ZDHHC19: variants seen among roughly 807,000 people sequenced by gnomAD.
The protein encoded by ZDHHC19 is zDHHC palmitoyltransferase 19, also known as palmitoyltransferase ZDHHC19.
ZDHHC19 carries 30 observed loss-of-function variants against 33.9 expected under a neutral mutation model. The ratio of observed to expected loss-of-function variants is 0.88; its 90% CI spans 0.66 to 1.20. The LOEUF (loss-of-function observed/expected upper bound fraction) is 1.20, where lower values mean the gene tolerates loss of function less well. Among genes scored for constraint, ZDHHC19 ranks in the 50% most tolerant of loss-of-function variants. The pLI is 0.00. For synonymous variants in ZDHHC19, 178 were observed against 167.6 expected (o/e 1.06, Z -0.48); for missense variants, 364 against 401.1 (o/e 0.91, Z 0.79).
chr3:196,198,533 G>T, intron 6 of ZDHHC19, 82 bp from the exon 7 acceptor site: 2 of 1,575,740 alleles, frequency 1.3e-6, no homozygotes, highest in Non-Finnish European at 1.7e-6. Context: ...GGAAGCACAC[G>T]GCCCAGGGCT....
In ZDHHC19 at chr3:196,200,553, A is replaced by T. The variant is rs1231346029; in HGVS notation, c.688-1679T>A. On this transcript the variant is annotated intron_variant, in intron 5 of 7. Transcript: ENST00000296326. The stretch of plus-strand genomic sequence containing the variant: ...GTATTTTTAGTAGAGACGGGGTTTC[A>T]CCGTGTTAGCCAGGATGGTCTCGAT... 4.0e-5 allele frequency among the ~76,000 whole-genome samples: 6 copies of T among 148,544 alleles called. No homozygotes were observed. In the South Asian group the frequency reaches 6.3e-4, roughly 16 times the overall value.
chr3:196,207,582 G>T, intron 4 of ZDHHC19, 79 bp from the exon 5 acceptor site: 1 of 701,914 alleles, frequency 1.4e-6, no homozygotes, highest in Non-Finnish European at 1.8e-6. Flanking sequence ...CCCGAGCCCC[G>T]CCCCGCCCCC....
At position 196,203,430 on chromosome 3, in the gene ZDHHC19, C is replaced by T. The variant is rs1223661627; in HGVS notation, c.687+3968G>A. ...GGTGGCTAAGTAATATACCCAGGAT[C>T]TCTCTGCTGGTATGCTGTGGAGCTG... On this transcript the variant is annotated intron_variant, in intron 5 of 7. Transcript: ENST00000296326. The surrounding 1 kb of genome is among the most constrained non-coding windows in gnomAD (Gnocchi z 4.3). Among the ~76,000 whole-genome samples the T allele has an allele frequency of 2.0e-5, 3 of 152,210 alleles. No homozygotes were observed. The highest frequency in any genetic ancestry group is 4.4e-5 in the Non-Finnish European group (3 of 68,048).
At chr3:196,209,280 C>G (rs1367129451) in intron 3 of ZDHHC19, 96 bp downstream of exon 3, 1 of 1,462,598 alleles carries the variant, frequency 6.8e-7, no homozygotes, top group East Asian at 2.5e-5. Context: ...GTCCTGAAAA[C>G]AGCTTCACAC....
At chr3:196,208,193 C>G (rs1481476309) in intron 4 of ZDHHC19, among the ~76,000 whole-genome samples, 195 bp downstream of exon 4, 1 of 152,082 alleles carries the variant, frequency 6.6e-6, no homozygotes, top group Non-Finnish European at 1.5e-5. Context: ...GCCACCGCGC[C>G]GGCCCGGGGG....
intron 5 of ZDHHC19, among the ~76,000 whole-genome samples, chr3:196,206,206 C>T (rs1722718689): frequency 6.6e-6 from 1 of 151,850 alleles, no homozygotes; most frequent in Admixed American, 6.6e-5. Context: ...TGTGCCCCAC[C>T]ACACCTGGCT....
chr3:196,211,348 G>A lies in ZDHHC19; in HGVS notation c.-33C>T. ...CCTCCTTCGCCTCCAGGGGAGGTCA[G>A]AGCCACCAGGCTTCCTCCCCCAGCC... On this transcript the variant is annotated 5_prime_UTR_variant, in exon 1 of 8. Transcript: ENST00000296326. 6.4e-7 allele frequency: 1 copy of A among 1,567,554 alleles called. No individual in the cohort carries two copies. The highest frequency in any genetic ancestry group is 8.6e-7 in the Non-Finnish European group (1 of 1,157,360).
At chr3:196,210,331 A>G (rs967562935) in intron 2 of ZDHHC19, among the ~76,000 whole-genome samples, 24 of 135,214 alleles carry the variant, frequency 1.8e-4, no homozygotes, top group African/African-American at 5.6e-4. Context: ...GAAGGAAAGA[A>G]AGAAAGAAAG....
chr3:196,206,920 T>G (rs1182310720), intron 5 of ZDHHC19, among the ~76,000 whole-genome samples: 1 of 152,028 alleles, frequency 6.6e-6, no homozygotes, highest in East Asian at 1.9e-4. Context: ...CTTCCCTGAG[T>G]TTTTGCAAAG....
Position 196,207,421 on chromosome 3 carries a change from C to T in ZDHHC19, c.664G>A (p.Ala222Thr), listed in dbSNP as rs868089256. The T allele has an allele frequency of 1.3e-6, 2 of 1,568,328 alleles. No homozygotes were observed. Among genetic ancestry groups the T allele is most frequent in the South Asian group, 1.2e-5 (1 of 85,132 alleles). Residue 222 changes from alanine to threonine, a missense_variant, in exon 5 of 8, where the codon GCC becomes ACC. Transcript: ENST00000296326. ...ACCTTGCCCTTGTAGGTGCGGTCGG[C>T]CGAGCTCACGGACAGTGCCTGGATC... ...LLIQALSVSS[A>T]DRTYKGKCRH...
intron 4 of ZDHHC19, 147 bp downstream of exon 4, chr3:196,208,241 T>TAC: frequency 4.6e-6 from 1 of 219,460 alleles, no homozygotes. Context: ...GCCCCGCCCA[T>TAC]CCCCCGACCC....
At chr3:196,201,844 C>A (rs1192627898) in intron 5 of ZDHHC19, among the ~76,000 whole-genome samples, 1 of 152,186 alleles carries the variant, frequency 6.6e-6, no homozygotes, top group African/African-American at 2.4e-5. Flanking sequence ...CTCCACGGGA[C>A]CAAAGCCAGG....
intron 5 of ZDHHC19, among the ~76,000 whole-genome samples, chr3:196,206,895 C>T (rs2108733648): frequency 6.6e-6 from 1 of 152,206 alleles, no homozygotes; most frequent in East Asian, 1.9e-4. Flanking sequence ...TATCAACATT[C>T]CACAGACTTT....
chr3:196,200,512 G>A (rs563816285), intron 5 of ZDHHC19, among the ~76,000 whole-genome samples: 1,725 of 149,856 alleles, frequency 0.012, 68 homozygotes, highest in African/African-American at 0.04. Context: ...TCGCCACCAC[G>A]CCCAGCTAAT....
In ZDHHC19 at chr3:196,198,452, C is replaced by T; in HGVS notation, c.774-1G>A. On this transcript the variant is annotated splice_acceptor_variant, in intron 6 of 7. Transcript: ENST00000296326. LOFTEE classifies it high-confidence loss of function. ...CAGCTGGACAGCTTCAGCCATGTAC[C>T]TGGGGAGCAGCAGGCCAGATGCAGG... 6.3e-7 allele frequency: 1 copy of T among 1,581,694 alleles called. No homozygotes were observed. The highest frequency in any genetic ancestry group is 8.6e-7 in the Non-Finnish European group (1 of 1,164,330).
intron 5 of ZDHHC19, 93 bp downstream of exon 5, chr3:196,207,305 G>T: frequency 1.8e-6 from 2 of 1,120,646 alleles, no homozygotes; most frequent in Non-Finnish European, 2.6e-6. Flanking sequence ...ATCGCGGGTG[G>T]GGGTCAGGCT....
rs1577313924 is a variant in ZDHHC19 at position 196,200,328 on chromosome 3, A to ATATATATATATATATATATATATATG, written c.688-1455_688-1454insCATATATATATATATATATATATATA. On this transcript the variant is annotated intron_variant, in intron 5 of 7. Coordinates refer to ENST00000296326, the MANE Select transcript of ZDHHC19 (RefSeq NM_001039617.2). ...ATTGACAGAATTTTAAAATTTAGGG[A>ATATATATATATATATATATATATATG]TATATATATATATATGTATATATAT... Among the ~76,000 whole-genome samples, 5 of 23,376 alleles carry ATATATATATATATATATATATATATG rather than the reference A, an allele frequency of 2.1e-4. No individual in the cohort carries two copies. The East Asian group carries it at 0.074, about 344-fold the overall frequency. The allele number at this position is 23,376 out of a possible 152,430, so 15.3% of individuals were successfully genotyped here.
At chr3:196,209,123 G>A in intron 3 of ZDHHC19, 1 of 482,658 alleles carries the variant, frequency 2.1e-6, no homozygotes, top group Non-Finnish European at 3.6e-6. Context: ...TCCTCCCCTG[G>A]CCTGACCCAG....
At chr3:196,200,307 A>T (rs528528481) in intron 5 of ZDHHC19, among the ~76,000 whole-genome samples, 1 of 145,526 alleles carries the variant, frequency 6.9e-6, no homozygotes, top group Non-Finnish European at 1.5e-5. Flanking sequence ...AAATATATTG[A>T]CAGAATTTTA....
Sources: gnomAD v4.1 joint callset for allele counts (sites outside exome capture counted in the v4.1 genomes callset) on GRCh38, gnomAD v4.1.1 for gene constraint, Gnocchi (gnomAD v3.1) non-coding constraint, MANE v1.5 for transcripts, NCBI Gene and HGNC (gene_info 2026-07-23, HGNC 2026-07-21) for gene names.